PDE1A: variants seen among roughly 807,000 people sequenced by gnomAD.
PDE1A encodes phosphodiesterase 1A.
In PDE1A, 35 loss-of-function variants were observed where a neutral mutation model predicts 61.7. The ratio of observed to expected loss-of-function variants is 0.57; its 90% CI spans 0.43 to 0.75. The LOEUF (loss-of-function observed/expected upper bound fraction) is 0.75, where lower values mean the gene tolerates loss of function less well. Ranked by LOEUF, PDE1A falls within the 30% of genes least tolerant of loss-of-function variation. The pLI is 0.00. For synonymous variants in PDE1A, 232 were observed against 213.2 expected (o/e 1.09, Z -0.77); for missense variants, 597 against 630.6 (o/e 0.95, Z 0.57).
the PDE1A span, among the ~76,000 whole-genome samples, chr2:182,604,962 G>A: frequency 1.3e-5 from 2 of 151,472 alleles, no homozygotes; most frequent in African/African-American, 4.9e-5. Context: ...TCTTTCTAAC[G>A]TTTCTTAAAG....
intron 7 of PDE1A, among the ~76,000 whole-genome samples, chr2:182,211,813 G>C (rs537242096): frequency 1.4e-3 from 220 of 152,228 alleles, no homozygotes; most frequent in Middle Eastern, 3.4e-3. Flanking sequence ...TTTATTGCTG[G>C]CATATAGAAA....
the PDE1A span, among the ~76,000 whole-genome samples, chr2:182,684,215 C>T: frequency 6.6e-6 from 1 of 150,808 alleles, no homozygotes; most frequent in South Asian, 2.1e-4. Context: ...TACACCAAAA[C>T]TATTTCTAAA....
rs115254499 is a variant in PDE1A at position 182,377,822 on chromosome 2, G to A, written c.53+48756C>T. Reference sequence around the variant, plus strand: ...GGAAATTTGATGAAGAAATTGTATTGTGTTCATACAGCAAAATGCAATTCA... The same window carrying A: ...GGAAATTTGATGAAGAAATTGTATTATGTTCATACAGCAAAATGCAATTCA... On this transcript the variant is annotated intron_variant, in intron 1 of 13. Coordinates refer to ENST00000351439, the Ensembl canonical transcript of PDE1A. Among the ~76,000 whole-genome samples the A allele has an allele frequency of 1.3e-3, 202 of 151,868 alleles. 3 individuals are homozygous for A. The highest frequency in any genetic ancestry group is 4.6e-3 in the African/African-American group (189 of 41,446).
chr2:182,514,350 A>G (rs1269700901), intron 2 of PDE1A, among the ~76,000 whole-genome samples: 1 of 152,214 alleles, frequency 6.6e-6, no homozygotes. Context: ...ATATTGAATC[A>G]AAAAAGAGCA....
intron 2 of PDE1A, among the ~76,000 whole-genome samples, chr2:182,473,345 T>A (rs1356517632): frequency 6.6e-6 from 1 of 151,674 alleles, no homozygotes; most frequent in Non-Finnish European, 1.5e-5. Context: ...ACAGGCAACC[T>A]ACAAAATGGG....
the PDE1A span, among the ~76,000 whole-genome samples, chr2:182,622,321 T>A: frequency 6.6e-6 from 1 of 152,184 alleles, no homozygotes; most frequent in African/African-American, 2.4e-5. Context: ...CAGAATTGAG[T>A]GGGGTATATT....
chr2:182,414,805 A>T (rs1013564123), intron 1 of PDE1A, among the ~76,000 whole-genome samples: 1 of 152,174 alleles, frequency 6.6e-6, no homozygotes. Flanking sequence ...GGTAGGCAGG[A>T]AGAAGGATAA....
chr2:182,294,752 T>TA (rs1012110795), intron 1 of PDE1A, among the ~76,000 whole-genome samples: 4 of 152,146 alleles, frequency 2.6e-5, no homozygotes, highest in African/African-American at 9.7e-5. Context: ...CTTTCTGTTT[T>TA]AAAAAATGTG....
the PDE1A span, among the ~76,000 whole-genome samples, chr2:182,683,003 A>G: frequency 6.6e-6 from 1 of 152,296 alleles, no homozygotes; most frequent in Admixed American, 6.5e-5. Context: ...TGTGCATAAG[A>G]AAATGCAAAT....
At chr2:182,481,749 T>C (rs1193963349) in intron 2 of PDE1A, among the ~76,000 whole-genome samples, 1 of 151,876 alleles carries the variant, frequency 6.6e-6, no homozygotes, top group Non-Finnish European at 1.5e-5. Flanking sequence ...TCCAATCTCG[T>C]CTCTTTTCTT....
intron 1 of PDE1A, among the ~76,000 whole-genome samples, chr2:182,363,439 T>C (rs1699631806): frequency 6.6e-6 from 1 of 151,838 alleles, no homozygotes; most frequent in African/African-American, 2.4e-5. Flanking sequence ...AAGAGAGACA[T>C]AGAGTTGATC....
At chr2:182,163,782 A>G (rs760192285), downstream of PDE1A, among the ~76,000 whole-genome samples, 2 of 152,204 alleles carry the variant, frequency 1.3e-5, no homozygotes, top group Non-Finnish European at 1.5e-5. Flanking sequence ...AGTGGGGCAC[A>G]GAACAGGAAA....
intron 1 of PDE1A, among the ~76,000 whole-genome samples, chr2:182,400,588 TCAGGG>T (rs971062069): frequency 1.3e-5 from 2 of 152,084 alleles, no homozygotes; most frequent in African/African-American, 4.8e-5. Flanking sequence ...AGGAGCACTC[TCAGGG>T]GAGTTTTCCA....
At chr2:182,674,034 A>C in the PDE1A span, among the ~76,000 whole-genome samples, 2 of 148,606 alleles carry the variant, frequency 1.3e-5, no homozygotes, top group African/African-American at 5.0e-5. Flanking sequence ...GAATTGATTT[A>C]AGCCTAATGG....
At chr2:182,339,798 G>A (rs1221174002) in intron 1 of PDE1A, among the ~76,000 whole-genome samples, 2 of 152,110 alleles carry the variant, frequency 1.3e-5, no homozygotes, top group Non-Finnish European at 2.9e-5. Context: ...ATGAAATTTT[G>A]ATTTAGCAGG....
intron 13 of PDE1A, among the ~76,000 whole-genome samples, chr2:182,152,203 C>A (rs898195967): frequency 2.0e-5 from 3 of 151,920 alleles, no homozygotes; most frequent in Non-Finnish European, 4.4e-5. Context: ...TACTTTTAGA[C>A]CATTTATATA....
chr2:182,704,368 T>G, the PDE1A span, among the ~76,000 whole-genome samples: 1 of 152,166 alleles, frequency 6.6e-6, no homozygotes, highest in Non-Finnish European at 1.5e-5. Context: ...TTCAAGGTAA[T>G]TGATCTGGCA....
chr2:182,150,715 G>A lies in PDE1A; in HGVS notation c.1517-3563C>T, dbSNP rs577744921. The stretch of plus-strand genomic sequence containing the variant: ...AGAGTCTCAATTCTTCAAGGAGCAG[G>A]GAGGGGATAGTTGTTATAGGAGAGA... On this transcript the variant is annotated intron_variant, in intron 13 of 13. Coordinates refer to the PDE1A transcript ENST00000409365. Among the ~76,000 whole-genome samples, 99 of 152,290 alleles carry A rather than the reference G, an allele frequency of 6.5e-4. 1 individual carries two copies. The highest frequency in any genetic ancestry group is 2.2e-3 in the African/African-American group (92 of 41,568).
chr2:182,517,427 G>C (rs1420599896), intron 2 of PDE1A, among the ~76,000 whole-genome samples: 1 of 152,092 alleles, frequency 6.6e-6, no homozygotes, highest in Non-Finnish European at 1.5e-5. Context: ...TAATTTTCTA[G>C]TTACAGCCAG....
Sources: allele counts gnomAD v4.1 joint callset (sites outside exome capture counted in the v4.1 genomes callset), GRCh38; gene constraint gnomAD v4.1.1; transcripts MANE v1.5; gene names NCBI Gene and HGNC (gene_info 2026-07-23, HGNC 2026-07-21).